Variants in TMEFF2 observed in about 807,000 individuals in gnomAD.
TMEFF2 encodes the protein transmembrane protein with EGF like and two follistatin like domains 2.
TMEFF2 carries 28 observed loss-of-function variants against 53.8 expected under a neutral mutation model. That is an observed-to-expected ratio of 0.52 (90% CI 0.39 to 0.71). The LOEUF is 0.71. Among genes scored for constraint, TMEFF2 ranks in the 30% least tolerant of loss-of-function variants. The pLI, the probability that TMEFF2 is intolerant of heterozygous loss-of-function variation, is 0.00. For missense variants in TMEFF2, 353 were observed against 455.2 expected (o/e 0.78, Z 2.04); for synonymous variants, 162 against 166.3 (o/e 0.97, Z 0.20).
chr2:192,162,969 C>T (rs1225191928), intron 4 of TMEFF2, among the ~76,000 whole-genome samples: 1 of 152,122 alleles, frequency 6.6e-6, no homozygotes, highest in African/African-American at 2.4e-5. Flanking sequence ...TGTAGTGATG[C>T]TTATATATTG....
At chr2:192,162,439 C>G (rs191335293) in intron 4 of TMEFF2, among the ~76,000 whole-genome samples, 1 of 152,272 alleles carries the variant, frequency 6.6e-6, no homozygotes, top group Admixed American at 6.5e-5. Context: ...CACTTAAACT[C>G]GTACCATAGT....
rs981281020 is a variant in TMEFF2 at position 192,194,895 on chromosome 2, C to T, written c.-371G>A. The T allele has an allele frequency of 9.9e-5, 22 of 222,098 alleles. No homozygotes were observed. Among genetic ancestry groups the T allele is most frequent in the African/African-American group, 5.1e-4 (22 of 43,014 alleles). The allele number at this position is 222,098 out of a possible 1,614,324, so 13.8% of individuals were successfully genotyped here. A position where few individuals can be genotyped will look rare whatever the true frequency, so the allele number is the denominator to read the frequency against. On this transcript the variant is annotated 5_prime_UTR_variant, in exon 1 of 10. Transcript: ENST00000272771. The surrounding 1 kb of genome is among the most constrained non-coding windows in gnomAD (Gnocchi z 4.2). ...GGGAGAGTCAAGGCGCCCCGCAGCC[C>T]GGCAGCCGCCTCTCGAGCTCTGCCG...
chr2:192,179,513 G>A, intron 4 of TMEFF2, 155 bp downstream of exon 4: 1 of 667,668 alleles, frequency 1.5e-6, no homozygotes, highest in Non-Finnish European at 2.4e-6. Context: ...GTATATACAT[G>A]TACTTAATAT....
At chr2:192,036,029 G>A (rs896783833) in intron 5 of TMEFF2, 1 of 152,224 alleles carries the variant, frequency 6.6e-6, no homozygotes, top group Non-Finnish European at 1.5e-5. Context: ...CAGTAAAAGT[G>A]AAAGCACGTT....
intron 5 of TMEFF2, chr2:192,036,609 G>A (rs1010573266): frequency 2.6e-5 from 4 of 152,132 alleles, no homozygotes; most frequent in African/African-American, 9.7e-5. Context: ...GAATAAAATT[G>A]AGCCTCCTCA....
At chr2:192,172,913 G>C (rs1690950391) in intron 4 of TMEFF2, among the ~76,000 whole-genome samples, 1 of 151,866 alleles carries the variant, frequency 6.6e-6, no homozygotes, top group African/African-American at 2.4e-5. Flanking sequence ...TTCAAGGACT[G>C]GCTTAGTCAC....
At chr2:191,998,342 T>TAAA in intron 6 of TMEFF2, 21 bp from the exon 7 acceptor site, 2 of 1,524,556 alleles carry the variant, frequency 1.3e-6, no homozygotes, top group Non-Finnish European at 1.8e-6. Context: ...AAATTAACAA[T>TAAA]AAAAATTGAT....
At chr2:192,006,526 A>G (rs1686505766) in intron 5 of TMEFF2, among the ~76,000 whole-genome samples, 1 of 152,194 alleles carries the variant, frequency 6.6e-6, no homozygotes, top group Non-Finnish European at 1.5e-5. Context: ...TTAGACCTCT[A>G]TTTAATGAGG....
chr2:192,130,629 CCCA>C (rs1392196520), intron 4 of TMEFF2, among the ~76,000 whole-genome samples: 6 of 152,192 alleles, frequency 3.9e-5, no homozygotes, highest in Admixed American at 6.5e-5. Context: ...CCCGCCCCTG[CCCA>C]CCAGAGAACA....
chr2:192,000,876 A>C (rs970620255), intron 5 of TMEFF2, among the ~76,000 whole-genome samples: 10 of 152,116 alleles, frequency 6.6e-5, no homozygotes, highest in African/African-American at 2.4e-4. Flanking sequence ...TAAACACTTA[A>C]CTCATTGAGG....
At chr2:192,053,273 G>T (rs1012728322) in intron 5 of TMEFF2, among the ~76,000 whole-genome samples, 1 of 151,886 alleles carries the variant, frequency 6.6e-6, no homozygotes, top group African/African-American at 2.4e-5. Flanking sequence ...CATCTCCAGT[G>T]TGACTTTCTT....
At chr2:191,956,084 G>GTGTGTGAGTGCT (rs1553506955) in intron 8 of TMEFF2, among the ~76,000 whole-genome samples, 171 bp downstream of exon 8, 1 of 151,276 alleles carries the variant, frequency 6.6e-6, no homozygotes, top group East Asian at 1.9e-4. Context: ...TTTTTTTTTA[G>GTGTGTGAGTGCT]TGTGTGAGTA....
chr2:191,999,020 T>C (rs1477135892), intron 6 of TMEFF2, 40 bp downstream of exon 6: 1 of 1,566,132 alleles, frequency 6.4e-7, no homozygotes, highest in Non-Finnish European at 8.7e-7. Context: ...GCACAAAGAC[T>C]AAAATCATTC....
At chr2:192,053,024 T>G (rs958493656) in intron 5 of TMEFF2, among the ~76,000 whole-genome samples, 1 of 152,160 alleles carries the variant, frequency 6.6e-6, no homozygotes, top group Non-Finnish European at 1.5e-5. Flanking sequence ...AATTTTCTGA[T>G]TTTTTACAGC....
intron 4 of TMEFF2, among the ~76,000 whole-genome samples, chr2:192,153,165 T>G (rs1690428436): frequency 6.6e-6 from 1 of 151,674 alleles, no homozygotes; most frequent in East Asian, 1.9e-4. Context: ...TTAAAATATA[T>G]ACTAGACCTT....
At chr2:192,135,703 G>T (rs949734009) in intron 4 of TMEFF2, among the ~76,000 whole-genome samples, 2 of 152,068 alleles carry the variant, frequency 1.3e-5, no homozygotes, top group Non-Finnish European at 2.9e-5. Context: ...CCCAAGCCAA[G>T]CCATCGCATC....
At chr2:191,985,654 G>C (rs764460478) in intron 7 of TMEFF2, among the ~76,000 whole-genome samples, 2 of 152,222 alleles carry the variant, frequency 1.3e-5, no homozygotes, top group African/African-American at 2.4e-5. Context: ...ATAGGTAGTA[G>C]TGTAATCTAA....
chr2:192,121,835 G>A (rs1477379668), intron 4 of TMEFF2, among the ~76,000 whole-genome samples: 1 of 152,102 alleles, frequency 6.6e-6, no homozygotes, highest in Non-Finnish European at 1.5e-5. Context: ...ACAAGCATAG[G>A]AGAGAATTGC....
At chr2:192,168,396 T>TAC (rs1690822596) in intron 4 of TMEFF2, among the ~76,000 whole-genome samples, 1 of 152,050 alleles carries the variant, frequency 6.6e-6, no homozygotes, top group South Asian at 2.1e-4. Context: ...TTCCAAATAA[T>TAC]ACATTCTCTG....
Sources: allele counts gnomAD v4.1 joint callset (sites outside exome capture counted in the v4.1 genomes callset), GRCh38; gene constraint gnomAD v4.1.1; non-coding constraint Gnocchi (gnomAD v3.1); transcripts MANE v1.5; gene names NCBI Gene and HGNC (gene_info 2026-07-23, HGNC 2026-07-21).